The following CADM2 variants were observed in gnomAD, a reference collection of about 807,000 sequenced individuals.
The protein encoded by CADM2 is cell adhesion molecule 2, also known as immunoglobulin superfamily member 4D.
In CADM2, 12 loss-of-function variants were observed where a neutral mutation model predicts 49.8. The observed-to-expected ratio is 0.24, with a 90% CI of 0.15 to 0.39. The LOEUF (loss-of-function observed/expected upper bound fraction) is 0.39. Ranked by LOEUF, CADM2 falls within the 10% of genes least tolerant of loss-of-function variation. The pLI, the probability that CADM2 is intolerant of heterozygous loss-of-function variation, is 1.00. For synonymous variants in CADM2, 214 were observed against 175.4 expected (o/e 1.22, Z -1.74); for missense variants, 378 against 492.3 (o/e 0.77, Z 2.20).
At chr3:85,326,856 A>G (rs967809084) in intron 1 of CADM2, among the ~76,000 whole-genome samples, 5 of 152,132 alleles carry the variant, frequency 3.3e-5, no homozygotes, top group African/African-American at 1.2e-4. Flanking sequence ...ACACTATTTT[A>G]TAGCTTTTAG....
At chr3:85,197,508 GA>G (rs1466340125) in intron 1 of CADM2, among the ~76,000 whole-genome samples, 1 of 151,894 alleles carries the variant, frequency 6.6e-6, no homozygotes. Context: ...CCATTTTACA[GA>G]TGAAGAAGCA....
At chr3:85,075,554 A>C (rs13327579) in intron 1 of CADM2, among the ~76,000 whole-genome samples, 206 of 152,210 alleles carry the variant, frequency 1.4e-3, no homozygotes, top group African/African-American at 4.7e-3. Context: ...ATCGTCAACT[A>C]TTTTAACTTG....
intron 1 of CADM2, among the ~76,000 whole-genome samples, chr3:85,422,434 C>A (rs971810782): frequency 6.6e-6 from 1 of 151,986 alleles, no homozygotes; most frequent in Non-Finnish European, 1.5e-5. Flanking sequence ...CCTGCCACCA[C>A]GCCCGGCTAA....
intron 1 of CADM2, among the ~76,000 whole-genome samples, chr3:85,050,941 G>A (rs1029015513): frequency 1.3e-5 from 2 of 152,158 alleles, no homozygotes; most frequent in Admixed American, 6.5e-5. Flanking sequence ...CCTTTCTTGT[G>A]TCAGTTTAGA....
intron 1 of CADM2, among the ~76,000 whole-genome samples, chr3:85,185,122 G>A (rs2041027220): frequency 6.6e-6 from 1 of 152,052 alleles, no homozygotes; most frequent in Non-Finnish European, 1.5e-5. Flanking sequence ...ACTCTTCTGA[G>A]TCCCAAGATA....
chr3:85,037,012 A>C (rs1440070227), intron 1 of CADM2, among the ~76,000 whole-genome samples: 1 of 151,462 alleles, frequency 6.6e-6, no homozygotes, highest in African/African-American at 2.4e-5. Context: ...AAAAAAAAAA[A>C]AAAAAAACTT....
chr3:86,009,966 C>T (rs1016631879), intron 8 of CADM2, among the ~76,000 whole-genome samples: 10 of 151,672 alleles, frequency 6.6e-5, no homozygotes, highest in African/African-American at 1.2e-4. Flanking sequence ...CCCTAAATGA[C>T]GCCTTTTTTA....
chr3:85,650,995 G>A (rs1323185514), intron 1 of CADM2, among the ~76,000 whole-genome samples: 3 of 148,602 alleles, frequency 2.0e-5, no homozygotes, highest in South Asian at 2.2e-4. Flanking sequence ...ACCATTTTCC[G>A]CACCCCCAAA....
At chr3:85,289,760 A>G (rs2043730036) in intron 1 of CADM2, among the ~76,000 whole-genome samples, 2 of 152,202 alleles carry the variant, frequency 1.3e-5, no homozygotes, top group Non-Finnish European at 2.9e-5. Context: ...ATATAATAAC[A>G]AACACTATTT....
chr3:85,672,137 GAAAT>G (rs1164246289), intron 1 of CADM2, among the ~76,000 whole-genome samples: 2 of 148,006 alleles, frequency 1.4e-5, no homozygotes, highest in African/African-American at 4.9e-5. Flanking sequence ...AGTCAAGAAA[GAAAT>G]AAACAGACAA....
At chr3:85,212,435 T>G (rs879355737) in intron 1 of CADM2, among the ~76,000 whole-genome samples, 9 of 152,170 alleles carry the variant, frequency 5.9e-5, no homozygotes, top group Admixed American at 3.9e-4. Context: ...TTTTTATATA[T>G]CTGTTGAATG....
At chr3:85,056,702 G>A (rs1195687530) in intron 1 of CADM2, among the ~76,000 whole-genome samples, 1 of 152,054 alleles carries the variant, frequency 6.6e-6, no homozygotes, top group Non-Finnish European at 1.5e-5. Context: ...ATATCCCCTA[G>A]TGAAATGCCT....
At chr3:85,270,144 T>G (rs1243593788) in intron 1 of CADM2, among the ~76,000 whole-genome samples, 1 of 151,366 alleles carries the variant, frequency 6.6e-6, no homozygotes, top group Non-Finnish European at 1.5e-5. Context: ...AACCGCTCTC[T>G]GAATTTATTG....
chr3:85,949,295 C>A (rs1723108905), intron 7 of CADM2, among the ~76,000 whole-genome samples: 1 of 151,190 alleles, frequency 6.6e-6, no homozygotes, highest in African/African-American at 2.4e-5. Flanking sequence ...GCTATTATTT[C>A]TTGTATATAT....
chr3:85,905,183 A>T (rs1202481062), intron 5 of CADM2, among the ~76,000 whole-genome samples: 1 of 152,098 alleles, frequency 6.6e-6, no homozygotes, highest in Non-Finnish European at 1.5e-5. Flanking sequence ...TGGGACTCTA[A>T]TCTAGTTGAT....
At chr3:85,664,532 A>C (rs944050999) in intron 1 of CADM2, among the ~76,000 whole-genome samples, 3 of 151,956 alleles carry the variant, frequency 2.0e-5, no homozygotes, top group African/African-American at 7.2e-5. Flanking sequence ...TTATATACCC[A>C]AAATCACTCC....
chr3:85,230,671 A>G (rs1204370749), intron 1 of CADM2, among the ~76,000 whole-genome samples: 2 of 152,172 alleles, frequency 1.3e-5, no homozygotes, highest in African/African-American at 4.8e-5. Context: ...CATCTCATTA[A>G]CAACAGTATT....
chr3:85,436,005 G>A (rs2036911460), intron 1 of CADM2, among the ~76,000 whole-genome samples: 1 of 151,912 alleles, frequency 6.6e-6, no homozygotes, highest in Non-Finnish European at 1.5e-5. Flanking sequence ...TTCTTTTGCT[G>A]TTCAGAAACT....
Position 85,368,549 on chromosome 3 carries a change from AATATATATATACCTGAAT to A in CADM2, c.62-357955_62-357938del, listed in dbSNP as rs574653462. 7.8e-3 allele frequency among the ~76,000 whole-genome samples: 1,172 copies of A among 150,000 alleles called. 6 individuals are homozygous for A. The highest frequency in any genetic ancestry group is 0.01 in the Non-Finnish European group (709 of 67,532). On this transcript the variant is annotated intron_variant, in intron 1 of 9. Transcript: ENST00000383699. The stretch of plus-strand genomic sequence containing the variant: ...ATTAATATATATTAATATATACCTG[AATATATATATACCTGAAT>A]ATATATATATACCTGAAAAAGTATC...
Sources: gnomAD v4.1 joint callset for allele counts (sites outside exome capture counted in the v4.1 genomes callset) on GRCh38, gnomAD v4.1.1 for gene constraint, MANE v1.5 for transcripts, NCBI Gene and HGNC (gene_info 2026-07-23, HGNC 2026-07-21) for gene names.